Variants in GRM7 observed in about 807,000 individuals in gnomAD.
GRM7 encodes glutamate metabotropic receptor 7.
Under a neutral mutation model 84.5 loss-of-function variants are expected in GRM7, and 35 were observed. That is an observed-to-expected ratio of 0.41 (90% confidence interval 0.32 to 0.55). GRM7 has a LOEUF of 0.55. Among genes scored for constraint, GRM7 ranks in the 20% least tolerant of loss-of-function variants. GRM7 has a pLI of 0.19. For missense variants in GRM7, 1,003 were observed against 1,194.6 expected (o/e 0.84, Z 2.36); for synonymous variants, 487 against 455.1 (o/e 1.07, Z -0.89).
At position 7,634,505 on chromosome 3, in the gene GRM7, G is replaced by C. The variant is rs62235228; in HGVS notation, c.2452-45544G>C. Among the ~76,000 whole-genome samples the C allele has an allele frequency of 4.9e-4, 10 of 20,590 alleles. 1 individual carries two copies. Among genetic ancestry groups the C allele is most frequent in the South Asian group, 3.2e-3 (3 of 938 alleles). The allele number at this position is 20,590 out of a possible 152,430, so 13.5% of individuals were successfully genotyped here. A position where few individuals can be genotyped will look rare whatever the true frequency, so the allele number is the denominator to read the frequency against. On this transcript the variant is annotated intron_variant, in intron 8 of 9. Transcript: ENST00000357716. ...AAAAAAAAAAAAAAAAAAAAAAAGG[G>C]CTGGGCTCCATGGCTCACGCCTGTA...
chr3:7,006,236 T>A (rs1695180268), intron 1 of GRM7, among the ~76,000 whole-genome samples: 1 of 152,278 alleles, frequency 6.6e-6, no homozygotes, highest in African/African-American at 2.4e-5. Context: ...TTTAGATACA[T>A]AGGAAAATGG....
intron 7 of GRM7, among the ~76,000 whole-genome samples, chr3:7,473,557 A>G (rs1227914000): frequency 3.3e-5 from 5 of 149,918 alleles, no homozygotes; most frequent in Non-Finnish European, 4.4e-5. Flanking sequence ...TTTTTGTAAC[A>G]TCTCAGAAAA....
At chr3:7,239,755 G>A (rs1474170842) in intron 2 of GRM7, among the ~76,000 whole-genome samples, 3 of 152,094 alleles carry the variant, frequency 2.0e-5, no homozygotes, top group African/African-American at 2.4e-5. Flanking sequence ...GAAAGCAGAC[G>A]TCTGCAAACA....
intron 1 of GRM7, among the ~76,000 whole-genome samples, chr3:7,021,636 A>T (rs552473628): frequency 6.6e-6 from 1 of 152,332 alleles, no homozygotes; most frequent in South Asian, 2.1e-4. Flanking sequence ...TGCCTTAAAC[A>T]ATATTAAGAC....
intron 4 of GRM7, among the ~76,000 whole-genome samples, chr3:7,341,014 A>G (rs1275427398): frequency 1.3e-5 from 2 of 152,142 alleles, no homozygotes; most frequent in Non-Finnish European, 2.9e-5. Context: ...AAACAAGATC[A>G]AACACATCTT....
At chr3:7,011,672 A>G (rs551025273) in intron 1 of GRM7, among the ~76,000 whole-genome samples, 21 of 152,216 alleles carry the variant, frequency 1.4e-4, no homozygotes, top group Non-Finnish European at 1.9e-4. Flanking sequence ...AACACCAAGA[A>G]CTTATTTGTA....
intron 8 of GRM7, among the ~76,000 whole-genome samples, chr3:7,631,495 G>T (rs1481570857): frequency 6.6e-6 from 1 of 152,084 alleles, no homozygotes. Context: ...CATTCATTCA[G>T]TAGATTCTTT....
At chr3:7,632,152 C>T (rs1320810650) in intron 8 of GRM7, among the ~76,000 whole-genome samples, 1 of 152,148 alleles carries the variant, frequency 6.6e-6, no homozygotes, top group Non-Finnish European at 1.5e-5. Context: ...AAGATCATAT[C>T]ATGCAGGGCC....
At chr3:7,165,774 T>C (rs992773160) in intron 2 of GRM7, among the ~76,000 whole-genome samples, 6 of 152,220 alleles carry the variant, frequency 3.9e-5, no homozygotes, top group Non-Finnish European at 8.8e-5. Flanking sequence ...TAAAGCTCTA[T>C]TTACATGTTT....
Position 7,067,122 on chromosome 3 carries a change from G to C in GRM7, c.520-79330G>C, listed in dbSNP as rs889536737. 2.6e-5 allele frequency among the ~76,000 whole-genome samples: 4 copies of C among 151,916 alleles called. No individual in the cohort carries two copies. In the East Asian group the frequency reaches 7.8e-4, roughly 30 times the overall value. On this transcript the variant is annotated intron_variant, in intron 1 of 9. Transcript: ENST00000357716. ...CTGAGAACTGGAACAAGACAAGGAT[G>C]CCCACTCTCACCGCTCCTCTTCAAC...
chr3:7,180,764 T>C (rs1481581835), intron 2 of GRM7, among the ~76,000 whole-genome samples: 1 of 152,200 alleles, frequency 6.6e-6, no homozygotes. Flanking sequence ...GTAAATTAAA[T>C]GCAGCAAAGA....
intron 8 of GRM7, among the ~76,000 whole-genome samples, chr3:7,648,070 C>G (rs1698736814): frequency 6.6e-6 from 1 of 152,076 alleles, no homozygotes; most frequent in Non-Finnish European, 1.5e-5. Flanking sequence ...AGTAGAGGCC[C>G]TAGATGTAAA....
At chr3:7,537,900 T>C (rs1033318048) in intron 7 of GRM7, among the ~76,000 whole-genome samples, 4 of 152,130 alleles carry the variant, frequency 2.6e-5, no homozygotes, top group African/African-American at 7.2e-5. Context: ...TGAGTCAACA[T>C]AGCAAAAAAT....
chr3:7,494,285 G>A (rs374153881), intron 7 of GRM7, among the ~76,000 whole-genome samples: 1 of 152,140 alleles, frequency 6.6e-6, no homozygotes, highest in Non-Finnish European at 1.5e-5. Flanking sequence ...TTCAGAACTT[G>A]AAAAGTGTTG....
At chr3:7,289,265 A>C (rs1478185003) in intron 2 of GRM7, among the ~76,000 whole-genome samples, 3 of 152,318 alleles carry the variant, frequency 2.0e-5, no homozygotes, top group African/African-American at 7.2e-5. Context: ...TTCTTGAATT[A>C]GAGCACAAAC....
chr3:7,689,064 A>G (rs1482861453), intron 9 of GRM7, among the ~76,000 whole-genome samples: 2 of 152,240 alleles, frequency 1.3e-5, no homozygotes, highest in Non-Finnish European at 2.9e-5. Flanking sequence ...GGTACAAAAT[A>G]AAAAGCACAA....
Position 7,019,394 on chromosome 3 carries a change from G to A in GRM7, c.520-127058G>A, listed in dbSNP as rs370725219. On this transcript the variant is annotated intron_variant, in intron 1 of 9. Coordinates refer to ENST00000357716, the MANE Select transcript of GRM7 (RefSeq NM_000844.4). ...GCATGATGTCGTGTCCGCTATTATAGTCTCATACAGAGTATTTTCACTGCT... is the reference window on the plus strand; with the variant it reads ...GCATGATGTCGTGTCCGCTATTATAATCTCATACAGAGTATTTTCACTGCT... Among the ~76,000 whole-genome samples, 10 of 152,204 alleles carry A rather than the reference G, an allele frequency of 6.6e-5. No homozygotes were observed. In the East Asian group the frequency reaches 7.7e-4, roughly 12 times the overall value.
intron 5 of GRM7, among the ~76,000 whole-genome samples, chr3:7,419,806 T>C (rs1696322255): frequency 6.6e-6 from 1 of 152,190 alleles, no homozygotes; most frequent in Non-Finnish European, 1.5e-5. Context: ...ATTCAGAGAT[T>C]TGTTTTTCTT....
chr3:7,445,878 T>A (rs1174593291), intron 5 of GRM7, among the ~76,000 whole-genome samples: 4 of 152,210 alleles, frequency 2.6e-5, no homozygotes, highest in African/African-American at 9.6e-5. Flanking sequence ...GCTGGGTTAC[T>A]GTAGCACTTT....
Sources: gnomAD v4.1 joint callset for allele counts (sites outside exome capture counted in the v4.1 genomes callset) on GRCh38, gnomAD v4.1.1 for gene constraint, MANE v1.5 for transcripts, NCBI Gene and HGNC (gene_info 2026-07-23, HGNC 2026-07-21) for gene names.